The following ETV6 variants were observed in gnomAD, a reference collection of about 807,000 sequenced individuals.
The protein encoded by ETV6 is ETS variant transcription factor 6.
In ETV6, 16 loss-of-function variants were observed where a neutral mutation model predicts 51.1. The ratio of observed to expected loss-of-function variants is 0.31; its 90% CI spans 0.21 to 0.48. The LOEUF is 0.48. Ranked by LOEUF, ETV6 falls within the 20% of genes least tolerant of loss-of-function variation. The pLI is 0.99. For missense variants in ETV6, 458 were observed against 594.8 expected, an observed-to-expected ratio of 0.77 and a Z score of 2.39; for synonymous variants, 240 against 224.1, an observed-to-expected ratio of 1.07 and a Z score of -0.64.
chr12:11,736,924 G>A (rs927179917), intron 1 of ETV6, among the ~76,000 whole-genome samples: 15 of 152,190 alleles, frequency 9.9e-5, no homozygotes, highest in African/African-American at 3.6e-4. Context: ...AATACTTCAC[G>A]AGTGTCCAGT....
At chr12:11,739,018 G>A (rs772972751) in intron 1 of ETV6, among the ~76,000 whole-genome samples, 8 of 152,124 alleles carry the variant, frequency 5.3e-5, no homozygotes, top group Non-Finnish European at 8.8e-5. Flanking sequence ...GCAAAGTGGC[G>A]TCCTGAACCA....
At chr12:11,826,809 C>T (rs944911249) in intron 2 of ETV6, among the ~76,000 whole-genome samples, 4 of 152,134 alleles carry the variant, frequency 2.6e-5, no homozygotes, top group African/African-American at 9.7e-5. Context: ...CATGAGACAT[C>T]CAGTTACATA....
chr12:11,869,307 G>C lies in ETV6; in HGVS notation c.464-117G>C. 2 of 848,096 alleles carry C rather than the reference G, an allele frequency of 2.4e-6. No individual in the cohort carries two copies. The highest frequency in any genetic ancestry group is 3.4e-5 in the South Asian group (2 of 59,662). 52.5% of individuals were successfully genotyped at this position (848,096 alleles called of 1,614,324 possible). On this transcript the variant is annotated intron_variant, in intron 4 of 7. Transcript: ENST00000396373. The surrounding 1 kb of genome is among the most constrained non-coding windows in gnomAD (Gnocchi z 5.0). ...TGAAAAAGACACTGCATTCTGGGGA[G>C]AAAGGTCCTTTACACATACCTACAC...
intron 1 of ETV6, among the ~76,000 whole-genome samples, chr12:11,696,285 CTGTT>C (rs1405051219): frequency 1.3e-5 from 2 of 152,220 alleles, no homozygotes; most frequent in African/African-American, 2.4e-5. Flanking sequence ...TGATTTTCAT[CTGTT>C]TGTCACTGCT....
At chr12:11,667,399 T>TCGATG (rs1159661755) in intron 1 of ETV6, among the ~76,000 whole-genome samples, 1 of 152,154 alleles carries the variant, frequency 6.6e-6, no homozygotes, top group African/African-American at 2.4e-5. Flanking sequence ...TTCAGAGGAC[T>TCGATG]CGATGCTCAT....
intron 1 of ETV6, among the ~76,000 whole-genome samples, chr12:11,708,946 T>C (rs1157742216): frequency 6.6e-6 from 1 of 152,156 alleles, no homozygotes; most frequent in Non-Finnish European, 1.5e-5. Context: ...CATGAAAAGT[T>C]ACCTAGCAAT....
At chr12:11,707,699 A>G (rs1865098638) in intron 1 of ETV6, among the ~76,000 whole-genome samples, 1 of 152,204 alleles carries the variant, frequency 6.6e-6, no homozygotes, top group Non-Finnish European at 1.5e-5. Flanking sequence ...ATTCAGTGCC[A>G]GGTACACAGG....
chr12:11,866,014 T>C (rs889238580), intron 4 of ETV6, among the ~76,000 whole-genome samples: 1 of 152,178 alleles, frequency 6.6e-6, no homozygotes, highest in Non-Finnish European at 1.5e-5. Flanking sequence ...TACATGTGTG[T>C]TAGACCACGT....
intron 1 of ETV6, among the ~76,000 whole-genome samples, chr12:11,702,066 T>TTA (rs1179474346): frequency 6.6e-6 from 1 of 152,114 alleles, no homozygotes; most frequent in African/African-American, 2.4e-5. Context: ...CCTCATGCAG[T>TTA]TAGACTGACC....
chr12:11,828,016 CAATA>C (rs1418017950), intron 2 of ETV6, among the ~76,000 whole-genome samples: 1 of 152,188 alleles, frequency 6.6e-6, no homozygotes, highest in Non-Finnish European at 1.5e-5. Flanking sequence ...TTCGATTTCT[CAATA>C]AATCTGTTTG....
In ETV6 at chr12:11,886,333, G is replaced by A. The variant is rs138620280; in HGVS notation, c.1253+307G>A. ...GTGTAGTTAAAAGCACAAAGTCAAT[G>A]GCAAAACAAGGAATTAAACCTAGAC... On this transcript the variant is annotated intron_variant, in intron 7 of 7. Coordinates refer to ENST00000396373, the MANE Select transcript of ETV6 (RefSeq NM_001987.5). Among the ~76,000 whole-genome samples, 231 of 152,262 alleles carry A rather than the reference G, an allele frequency of 1.5e-3. 2 individuals carry two copies. Among genetic ancestry groups the A allele is most frequent in the African/African-American group, 5.2e-3 (214 of 41,546 alleles).
At chr12:11,827,070 TCACACACACACACACA>T (rs55959869) in intron 2 of ETV6, among the ~76,000 whole-genome samples, 32 of 145,166 alleles carry the variant, frequency 2.2e-4, no homozygotes, top group Middle Eastern at 3.4e-3. Flanking sequence ...GAAGTCTGTC[TCACACACACACACACA>T]CACACACACA....
chr12:11,815,649 G>T (rs187545031), intron 2 of ETV6, among the ~76,000 whole-genome samples: 6 of 152,360 alleles, frequency 3.9e-5, no homozygotes, highest in African/African-American at 1.4e-4. Context: ...TGATGTGTTT[G>T]AGAGCACTTT....
At chr12:11,819,228 GCCCCT>G (rs1946040741) in intron 2 of ETV6, among the ~76,000 whole-genome samples, 1 of 152,102 alleles carries the variant, frequency 6.6e-6, no homozygotes, top group Non-Finnish European at 1.5e-5. Context: ...TACGCCTGCT[GCCCCT>G]CTGCCCTGGC....
At chr12:11,742,938 C>G (rs1232598589) in intron 1 of ETV6, among the ~76,000 whole-genome samples, 1 of 151,874 alleles carries the variant, frequency 6.6e-6, no homozygotes, top group African/African-American at 2.4e-5. Flanking sequence ...TCCCAAGTAG[C>G]TGGAACCACA....
chr12:11,664,245 T>G (rs550977523), intron 1 of ETV6, among the ~76,000 whole-genome samples: 1 of 152,368 alleles, frequency 6.6e-6, no homozygotes, highest in Admixed American at 6.5e-5. Context: ...TGTTAGCAGC[T>G]GCTGTATTGA....
intron 1 of ETV6, among the ~76,000 whole-genome samples, chr12:11,695,446 G>C (rs1287978953): frequency 6.6e-6 from 1 of 152,196 alleles, no homozygotes; most frequent in African/African-American, 2.4e-5. Context: ...GCTTTTACTG[G>C]ATCCTGGGTC....
intron 1 of ETV6, among the ~76,000 whole-genome samples, chr12:11,722,768 G>A (rs553761135): frequency 6.6e-6 from 1 of 152,292 alleles, no homozygotes; most frequent in Admixed American, 6.5e-5. Flanking sequence ...GGCCAGATCC[G>A]GGGAGGAAGT....
intron 5 of ETV6, among the ~76,000 whole-genome samples, chr12:11,870,484 A>G (rs1203562915): frequency 6.6e-6 from 1 of 151,982 alleles, no homozygotes; most frequent in Non-Finnish European, 1.5e-5. Context: ...AGAGGAAACC[A>G]CTCCCAGATT....
Sources: allele counts gnomAD v4.1 joint callset (sites outside exome capture counted in the v4.1 genomes callset), GRCh38; gene constraint gnomAD v4.1.1; non-coding constraint Gnocchi (gnomAD v3.1); transcripts MANE v1.5; gene names NCBI Gene and HGNC (gene_info 2026-07-23, HGNC 2026-07-21).